The following ITFG1 variants were observed in gnomAD, a reference collection of about 807,000 sequenced individuals.
ITFG1 encodes integrin alpha FG-GAP repeat containing 1.
In ITFG1, 34 loss-of-function variants were observed where a neutral mutation model predicts 81.8. The observed-to-expected ratio is 0.42, with a 90% confidence interval of 0.32 to 0.55. ITFG1 has a LOEUF of 0.55. Among genes scored for constraint, ITFG1 ranks in the 20% least tolerant of loss-of-function variants. ITFG1 has a pLI of 0.17. For missense variants in ITFG1, 672 were observed against 755.4 expected (o/e 0.89, Z 1.29); for synonymous variants, 285 against 270.6 (o/e 1.05, Z -0.52).
chr16:47,460,347 C>A (rs988872954), intron 1 of ITFG1, among the ~76,000 whole-genome samples: 1 of 151,990 alleles, frequency 6.6e-6, no homozygotes, highest in Admixed American at 6.6e-5. Context: ...AAGGGGTGGG[C>A]GAATTAGGTA....
chr16:47,293,867 T>G (rs1226244999), intron 10 of ITFG1, among the ~76,000 whole-genome samples: 1 of 152,164 alleles, frequency 6.6e-6, no homozygotes, highest in Non-Finnish European at 1.5e-5. Context: ...GCTTTTTAGT[T>G]CAATTAAGTC....
intron 8 of ITFG1, among the ~76,000 whole-genome samples, chr16:47,353,637 A>C (rs1967998180): frequency 6.6e-6 from 1 of 152,112 alleles, no homozygotes. Context: ...ATTATCTTAT[A>C]TAACCCTAGA....
At chr16:47,302,843 G>A (rs1967097289) in intron 10 of ITFG1, among the ~76,000 whole-genome samples, 1 of 152,250 alleles carries the variant, frequency 6.6e-6, no homozygotes, top group Non-Finnish European at 1.5e-5. Flanking sequence ...ACATCGCCTT[G>A]TTACCTGACT....
intron 10 of ITFG1, chr16:47,300,084 A>C (rs1460883393): frequency 6.6e-6 from 1 of 152,220 alleles, no homozygotes; most frequent in African/African-American, 2.4e-5. Context: ...AGAGGGACAT[A>C]GTACTCTCCT....
At chr16:47,311,018 T>C (rs963856059) in intron 10 of ITFG1, among the ~76,000 whole-genome samples, 1 of 151,956 alleles carries the variant, frequency 6.6e-6, no homozygotes, top group Non-Finnish European at 1.5e-5. Context: ...GACTAAATGT[T>C]CATTTTTGTT....
rs570183724 is a variant in ITFG1 at position 47,181,523 on chromosome 16, C to T, written c.1454-18859G>A. On this transcript the variant is annotated intron_variant, in intron 14 of 17. Transcript: ENST00000320640. Reference sequence around the variant, plus strand: ...AGGTGGGGGGGTCAGCCCCCCCACCCGGCCAGCCTCCCCGTCTGGCAGGGA... The same window carrying T: ...AGGTGGGGGGGTCAGCCCCCCCACCTGGCCAGCCTCCCCGTCTGGCAGGGA... 4.0e-3 allele frequency among the ~76,000 whole-genome samples: 570 copies of T among 142,678 alleles called. 21 individuals carry two copies. Among genetic ancestry groups the T allele is most frequent in the African/African-American group, 0.014 (539 of 37,568 alleles). The allele number at this position is 142,678 out of a possible 152,430, so 93.6% of individuals were successfully genotyped here.
chr16:47,229,287 G>T (rs964713392), intron 13 of ITFG1, among the ~76,000 whole-genome samples: 1 of 152,156 alleles, frequency 6.6e-6, no homozygotes, highest in Non-Finnish European at 1.5e-5. Context: ...TTGTCTGAGT[G>T]CCAACCTGAA....
intron 8 of ITFG1, among the ~76,000 whole-genome samples, chr16:47,345,164 A>G (rs1967834583): frequency 6.6e-6 from 1 of 152,174 alleles, no homozygotes; most frequent in Non-Finnish European, 1.5e-5. Context: ...TCTAACTCAG[A>G]GGTGTCCAAT....
intron 4 of ITFG1, among the ~76,000 whole-genome samples, 192 bp downstream of exon 4, chr16:47,452,541 T>C (rs1293360510): frequency 1.3e-5 from 2 of 152,172 alleles, no homozygotes; most frequent in Non-Finnish European, 2.9e-5. Context: ...CACAAATCTC[T>C]TCTACTTTCC....
At chr16:47,376,195 G>A (rs559117843) in intron 6 of ITFG1, among the ~76,000 whole-genome samples, 127 of 151,046 alleles carry the variant, frequency 8.4e-4, no homozygotes, top group Non-Finnish European at 1.5e-3. Context: ...GTTATGTGTC[G>A]CACTTTTTTT....
intron 8 of ITFG1, among the ~76,000 whole-genome samples, chr16:47,319,056 T>C (rs1336005427): frequency 6.6e-6 from 1 of 152,238 alleles, no homozygotes; most frequent in African/African-American, 2.4e-5. Context: ...TCTTGCACTT[T>C]GAATGAATGC....
intron 8 of ITFG1, among the ~76,000 whole-genome samples, chr16:47,326,046 C>T (rs988984524): frequency 9.2e-5 from 14 of 152,302 alleles, no homozygotes; most frequent in African/African-American, 3.4e-4. Flanking sequence ...GACCAATATC[C>T]TTGATGAACA....
chr16:47,195,511 TTAAGAA>T (rs1239708433), intron 14 of ITFG1, among the ~76,000 whole-genome samples: 3 of 152,194 alleles, frequency 2.0e-5, no homozygotes, highest in African/African-American at 7.2e-5. Context: ...TTTAGCTCAA[TTAAGAA>T]TAAGAAAAAT....
At chr16:47,354,458 A>G (rs552527191) in intron 8 of ITFG1, among the ~76,000 whole-genome samples, 1 of 152,286 alleles carries the variant, frequency 6.6e-6, no homozygotes, top group Non-Finnish European at 1.5e-5. Context: ...TACTAAAAAA[A>G]TACATGGGGA....
intron 5 of ITFG1, among the ~76,000 whole-genome samples, chr16:47,438,339 T>G (rs535596688): frequency 6.6e-6 from 1 of 152,182 alleles, no homozygotes; most frequent in Non-Finnish European, 1.5e-5. Context: ...AAGAGAGTAG[T>G]GGTTCTCCAG....
chr16:47,416,259 T>TA (rs936147055), intron 6 of ITFG1, among the ~76,000 whole-genome samples: 8 of 150,184 alleles, frequency 5.3e-5, no homozygotes, highest in African/African-American at 9.8e-5. Flanking sequence ...ATACATAACT[T>TA]AAAAAAAAAG....
At chr16:47,203,985 A>G (rs191181713) in intron 14 of ITFG1, among the ~76,000 whole-genome samples, 18 of 152,330 alleles carry the variant, frequency 1.2e-4, no homozygotes, top group African/African-American at 3.8e-4. Context: ...GAATACACTT[A>G]GTACTACTGA....
chr16:47,293,852 C>A (rs1966946616), intron 10 of ITFG1, among the ~76,000 whole-genome samples: 1 of 152,088 alleles, frequency 6.6e-6, no homozygotes, highest in African/African-American at 2.4e-5. Flanking sequence ...TTTTGCTGTG[C>A]AGAAGCTTTT....
chr16:47,451,393 C>T lies in ITFG1; in HGVS notation c.560+3G>A. The T allele has an allele frequency of 6.8e-7, 1 of 1,479,380 alleles. No homozygotes were observed. Among genetic ancestry groups the T allele is most frequent in the Non-Finnish European group, 9.4e-7 (1 of 1,063,262 alleles). 91.6% of individuals were successfully genotyped at this position (1,479,380 alleles called of 1,614,324 possible). On this transcript the variant is annotated splice_donor_region_variant and intron_variant, in intron 5 of 17. Transcript: ENST00000320640. ...TTACATAGTTATAACCATATTTACT[C>T]ACCCTCCTAATAGTATCTGTGGCTG...
Sources: allele counts gnomAD v4.1 joint callset (sites outside exome capture counted in the v4.1 genomes callset), GRCh38; gene constraint gnomAD v4.1.1; transcripts MANE v1.5; gene names NCBI Gene and HGNC (gene_info 2026-07-23, HGNC 2026-07-21).